Variants in PRDM11 observed in about 807,000 individuals in gnomAD.
PRDM11 encodes the protein PR domain-containing protein 11.
Under a neutral mutation model 97.8 loss-of-function variants are expected in PRDM11, and 20 were observed. The observed-to-expected ratio is 0.20, with a 90% CI of 0.14 to 0.30. The LOEUF is 0.30. PRDM11 is among the 10% of genes least tolerant of loss of function. PRDM11 has a pLI of 1.00. For synonymous variants in PRDM11, 599 were observed against 637.7 expected (o/e 0.94, Z 0.91); for missense variants, 1,139 against 1,555.2 (o/e 0.73, Z 4.50).
At chr11:45,131,497 C>T (rs1852719298) in intron 1 of PRDM11, among the ~76,000 whole-genome samples, 1 of 152,144 alleles carries the variant, frequency 6.6e-6, no homozygotes, top group Admixed American at 6.5e-5. Context: ...TATATACAAC[C>T]ATTACCCAAT....
intron 1 of PRDM11, among the ~76,000 whole-genome samples, chr11:45,173,665 G>T (rs1213691476): frequency 6.6e-6 from 1 of 151,374 alleles, no homozygotes; most frequent in Non-Finnish European, 1.5e-5. Context: ...GGACCGCCTT[G>T]GGAGAATGTG....
At chr11:45,213,382 A>G in intron 5 of PRDM11, 1 of 447,506 alleles carries the variant, frequency 2.2e-6, no homozygotes, top group Non-Finnish European at 4.5e-6. Context: ...ATGGAGTCCC[A>G]CTTTCCAACC....
intron 1 of PRDM11, among the ~76,000 whole-genome samples, chr11:45,125,375 C>T (rs1014857413): frequency 4.6e-5 from 7 of 152,178 alleles, no homozygotes; most frequent in African/African-American, 1.7e-4. Context: ...TTCTTGCCTT[C>T]TGCTAGCTTT....
Position 45,183,036 on chromosome 11 carries a change from C to A in PRDM11, c.399C>A (p.Asn133Lys), listed in dbSNP as rs144282810. ...TSGESDVRCVNEVIPKGHIFG... is the reference protein window; with the variant it reads ...TSGESDVRCVKEVIPKGHIFG... ...GAGAGAGTGACGTGCGATGTGTAAACGAGGTCATCCCCAAGGGCCACATCT... is the reference window on the plus strand; with the variant it reads ...GAGAGAGTGACGTGCGATGTGTAAAAGAGGTCATCCCCAAGGGCCACATCT... The change falls in exon 4 of 8, where the codon AAC becomes AAA. Residue 133 changes from asparagine to lysine, a missense_variant. By Grantham distance (94) the Asn-to-Lys change is moderately conservative. Coordinates refer to ENST00000683152, the MANE Select transcript of PRDM11 (RefSeq NM_001384648.1). 6.2e-7 allele frequency: 1 copy of A among 1,613,998 alleles called. No individual in the cohort carries two copies. The highest frequency in any genetic ancestry group is 1.1e-5 in the South Asian group (1 of 91,090).
chr11:45,182,915 C>G lies in PRDM11; in HGVS notation c.278C>G (p.Pro93Arg). 1 of 1,612,346 alleles carries G rather than the reference C, an allele frequency of 6.2e-7. No individual in the cohort carries two copies. Among genetic ancestry groups the G allele is most frequent in the Non-Finnish European group, 8.5e-7 (1 of 1,179,092 alleles). The change falls in exon 4 of 8, where the codon CCG (proline) becomes CGG (arginine). Residue 93 changes from proline to arginine, a missense_variant. Coordinates refer to ENST00000683152, the MANE Select transcript of PRDM11 (RefSeq NM_001384648.1). ...FVDECPNHGP[P>R]VFVSDTPVPV... ...GATGAATGCCCAAACCATGGCCCCC[C>G]GGTGTTTGTGTCTGACACACCGGTG...
intron 4 of PRDM11, among the ~76,000 whole-genome samples, chr11:45,185,238 C>T (rs1288436548): frequency 7.9e-5 from 12 of 152,222 alleles, no homozygotes; most frequent in Admixed American, 6.5e-4. Flanking sequence ...TGGGCAATGT[C>T]TGGAGACCTT....
chr11:45,197,130 A>G (rs1853151658), intron 4 of PRDM11, among the ~76,000 whole-genome samples: 1 of 152,226 alleles, frequency 6.6e-6, no homozygotes, highest in Non-Finnish European at 1.5e-5. Flanking sequence ...GTTTGTCAAC[A>G]TGCCTCATTA....
At chr11:45,164,509 T>A (rs1852012514) in intron 1 of PRDM11, among the ~76,000 whole-genome samples, 1 of 152,266 alleles carries the variant, frequency 6.6e-6, no homozygotes, top group Non-Finnish European at 1.5e-5. Context: ...GCCAGCTGGC[T>A]GCCAGGGCGC....
chr11:45,139,306 C>T lies in PRDM11; in HGVS notation c.97-42455C>T, dbSNP rs539739922. Among the ~76,000 whole-genome samples, 29 of 152,268 alleles carry T rather than the reference C, an allele frequency of 1.9e-4. 1 individual carries two copies. The South Asian group carries it at 5.0e-3, about 26-fold the overall frequency. ...GCAAAATGTTTTAGGCAGTGGCTCA[C>T]GCCTGTAATTCCAGCACTTTGGGAG... On this transcript the variant is annotated intron_variant, in intron 1 of 6. Coordinates refer to the PRDM11 transcript ENST00000530656.
At chr11:45,098,493 G>C (rs1851921610) in intron 1 of PRDM11, among the ~76,000 whole-genome samples, 1 of 152,212 alleles carries the variant, frequency 6.6e-6, no homozygotes, top group South Asian at 2.1e-4. Flanking sequence ...AGGTCAGTGA[G>C]GTTGCTACTA....
At chr11:45,169,511 C>A (rs565439448) in intron 1 of PRDM11, among the ~76,000 whole-genome samples, 6 of 152,354 alleles carry the variant, frequency 3.9e-5, no homozygotes, top group African/African-American at 1.4e-4. Context: ...CATGTTAATT[C>A]ATTTATTTCT....
intron 5 of PRDM11, chr11:45,214,712 A>G (rs1443768924): frequency 6.6e-6 from 1 of 152,218 alleles, no homozygotes; most frequent in Non-Finnish European, 1.5e-5. Context: ...TAAGATGGCA[A>G]TAAAAAGAAA....
rs191387845 is a variant in PRDM11 at position 45,198,894 on chromosome 11, G to A, written c.487-5817G>A. On this transcript the variant is annotated intron_variant, in intron 4 of 7. Coordinates refer to ENST00000683152, the MANE Select transcript of PRDM11 (RefSeq NM_001384648.1). ...ACCCAAGTTTAAACTCCAGCTTCCC[G>A]TGTGGAAAATTCCTTTGTGGCCTCA... Among the ~76,000 whole-genome samples the A allele has an allele frequency of 1.2e-3, 186 of 152,274 alleles. 1 individual carries two copies. The highest frequency in any genetic ancestry group is 3.5e-3 in the African/African-American group (147 of 41,556).
Position 45,181,790 on chromosome 11 carries a change from C to T in PRDM11, c.24C>T (p.Cys8=). 1 of 1,613,540 alleles carries T rather than the reference C, an allele frequency of 6.2e-7. No homozygotes were observed. The highest frequency in any genetic ancestry group is 8.5e-7 in the Non-Finnish European group (1 of 1,179,928). ...GAATGACCGAGAACATGAAGGAGTG[C>T]TTGGCCCAGACCAATGCAGCCGTGG... MTENMKE[C]LAQTNAAVGD... is the part of the protein sequence containing the mutation. The change falls in exon 2 of 8, where the codon TGC becomes TGT. Residue 8 remains cysteine, a synonymous_variant. Transcript: ENST00000683152.
rs1015238594 is a variant in PRDM11, at chr11:45,233,525, C to G, written c.*5366C>G. 6.6e-6 allele frequency: 1 copy of G among 152,236 alleles called. No individual in the cohort carries two copies. The highest frequency in any genetic ancestry group is 6.5e-5 in the Admixed American group (1 of 15,280). 9.4% of individuals were successfully genotyped at this position (152,236 alleles called of 1,614,324 possible). A position where few individuals can be genotyped will look rare whatever the true frequency, so the allele number is the denominator to read the frequency against. Reference sequence around the variant, plus strand: ...CACAAACTCCTTCAAAACCCTCCCGCACCAGGACTGAGCAGCGTCAGTGGC... The same window carrying G: ...CACAAACTCCTTCAAAACCCTCCCGGACCAGGACTGAGCAGCGTCAGTGGC... On this transcript the variant is annotated 3_prime_UTR_variant, in exon 8 of 8. Coordinates refer to ENST00000683152, the MANE Select transcript of PRDM11 (RefSeq NM_001384648.1).
intron 4 of PRDM11, among the ~76,000 whole-genome samples, chr11:45,192,448 T>C (rs1852949066): frequency 6.6e-6 from 1 of 152,234 alleles, no homozygotes; most frequent in African/African-American, 2.4e-5. Context: ...AGTTTAGTTA[T>C]TGAATCACAA....
intron 4 of PRDM11, among the ~76,000 whole-genome samples, chr11:45,193,138 A>C (rs569108567): frequency 7.9e-5 from 12 of 152,332 alleles, no homozygotes; most frequent in Middle Eastern, 3.4e-3. Flanking sequence ...GTGCAATGGC[A>C]AGATCATAGC....
At chr11:45,143,756 T>A (rs1590375346), upstream of PRDM11, among the ~76,000 whole-genome samples, 1 of 152,208 alleles carries the variant, frequency 6.6e-6, no homozygotes, top group South Asian at 2.1e-4. Context: ...GATGATGATA[T>A]CCTTCTTGGA....
intron 5 of PRDM11, among the ~76,000 whole-genome samples, chr11:45,211,527 G>A (rs955823274): frequency 2.5e-5 from 3 of 119,478 alleles, no homozygotes; most frequent in Non-Finnish European, 5.9e-5. Flanking sequence ...TCTGTCCGAT[G>A]GCCCCTGTGG....
Sources: allele counts gnomAD v4.1 joint callset (sites outside exome capture counted in the v4.1 genomes callset), GRCh38; gene constraint gnomAD v4.1.1; transcripts MANE v1.5; gene names NCBI Gene and HGNC (gene_info 2026-07-23, HGNC 2026-07-21).